The following SLCO5A1 variants were observed in gnomAD, a reference collection of about 807,000 sequenced individuals.
SLCO5A1 encodes the protein solute carrier organic anion transporter family member 5A1, also known as organic anion transporter polypeptide-related protein 4.
In SLCO5A1, 39 loss-of-function variants were observed where a neutral mutation model predicts 65.1. The observed-to-expected ratio is 0.60, with a 90% CI of 0.46 to 0.78. The LOEUF is 0.78. Ranked by LOEUF, SLCO5A1 falls within the 30% of genes least tolerant of loss-of-function variation. The pLI, the probability that SLCO5A1 is intolerant of heterozygous loss-of-function variation, is 0.00. For missense variants in SLCO5A1, 1,029 were observed against 1,069.4 expected (o/e 0.96, Z 0.53); for synonymous variants, 438 against 415.7 (o/e 1.05, Z -0.65).
intron 5 of SLCO5A1, among the ~76,000 whole-genome samples, chr8:69,733,083 C>T (rs1223395845): frequency 6.6e-6 from 1 of 151,950 alleles, no homozygotes; most frequent in East Asian, 1.9e-4. Context: ...ATGATGTTAC[C>T]CACATAAAAT....
Position 69,832,525 on chromosome 8 carries a change from A to G in SLCO5A1, c.149T>C (p.Leu50Pro), listed in dbSNP as rs1423874658. 1 of 1,607,896 alleles carries G rather than the reference A, an allele frequency of 6.2e-7. No individual in the cohort carries two copies. Among genetic ancestry groups the G allele is most frequent in the Non-Finnish European group, 8.5e-7 (1 of 1,177,536 alleles). Reference sequence around the variant, plus strand: ...GTTGGCGTCTCCACTAGTGGGACTGAGGCTTGGCCGGCAGGAGGCGCTGCT... The same window carrying G: ...GTTGGCGTCTCCACTAGTGGGACTGGGGCTTGGCCGGCAGGAGGCGCTGCT... ...VLSSASCRPS[L>P]SPTSGDANPA... Residue 50 changes from leucine to proline, a missense_variant, in exon 2 of 10, where the codon CTC (leucine) becomes CCC (proline). Around this residue, in one of 3 missense-constraint regions of SLCO5A1, gnomAD observed 647 missense variants for 647.5 expected, o/e 1.00. Coordinates refer to ENST00000260126, the MANE Select transcript of SLCO5A1 (RefSeq NM_030958.3). This position sits in a 1 kb window ranked among gnomAD's most constrained non-coding sequence, Gnocchi z 4.5.
At chr8:69,676,738 C>T in intron 8 of SLCO5A1, 65 bp from the exon 9 acceptor site, 1 of 1,465,228 alleles carries the variant, frequency 6.8e-7, no homozygotes, top group South Asian at 1.2e-5. Flanking sequence ...AATGTCAAAT[C>T]AAGTCGGCTT....
At chr8:69,829,290 C>G (rs1262397184) in intron 2 of SLCO5A1, among the ~76,000 whole-genome samples, 1 of 152,076 alleles carries the variant, frequency 6.6e-6, no homozygotes, top group Non-Finnish European at 1.5e-5. Flanking sequence ...AATGGAGGAA[C>G]AAGGTAAGTC....
chr8:69,760,443 C>T (rs2130862975), intron 3 of SLCO5A1, among the ~76,000 whole-genome samples: 1 of 152,214 alleles, frequency 6.6e-6, no homozygotes, highest in South Asian at 2.1e-4. Flanking sequence ...TAGTGTTAAA[C>T]ATTATTCCTA....
At chr8:69,801,586 T>C (rs2130903476) in intron 2 of SLCO5A1, among the ~76,000 whole-genome samples, 1 of 152,350 alleles carries the variant, frequency 6.6e-6, no homozygotes, top group South Asian at 2.1e-4. Context: ...TTTTATGATT[T>C]AGAGTTTTAC....
intron 4 of SLCO5A1, among the ~76,000 whole-genome samples, chr8:69,751,921 A>G (rs1817320758): frequency 6.6e-6 from 1 of 152,146 alleles, no homozygotes; most frequent in South Asian, 2.1e-4. Context: ...TTGGTATCCA[A>G]ATTTCAAATA....
At chr8:69,811,976 C>T (rs1185013571) in intron 2 of SLCO5A1, among the ~76,000 whole-genome samples, 1 of 152,212 alleles carries the variant, frequency 6.6e-6, no homozygotes, top group Non-Finnish European at 1.5e-5. Context: ...GCATCTGGAT[C>T]TAGGCCACAG....
intron 2 of SLCO5A1, among the ~76,000 whole-genome samples, chr8:69,784,950 G>T (rs1486763198): frequency 8.3e-6 from 1 of 121,002 alleles, no homozygotes; most frequent in East Asian, 2.2e-4. Flanking sequence ...AAGAAAGAAA[G>T]AAGAAAGGAA....
chr8:69,778,228 G>GGTGTGTGTGT (rs71556783), intron 2 of SLCO5A1, among the ~76,000 whole-genome samples: 4 of 143,038 alleles, frequency 2.8e-5, no homozygotes, highest in East Asian at 2.0e-4. Flanking sequence ...ATATGTATGG[G>GGTGTGTGTGT]GTGTGTGTGT....
chr8:69,747,241 C>T (rs145866094), intron 4 of SLCO5A1, among the ~76,000 whole-genome samples: 41 of 152,298 alleles, frequency 2.7e-4, no homozygotes, highest in African/African-American at 8.9e-4. Context: ...ATCACTCAGA[C>T]ATCTCTATAA....
At chr8:69,713,973 C>G (rs2933042) in intron 5 of SLCO5A1, among the ~76,000 whole-genome samples, 109,103 of 152,182 alleles carry the variant, frequency 0.72, 40,409 homozygotes, top group African/African-American at 0.91. Context: ...CTGTCAGAAG[C>G]AAACTACTAA....
chr8:69,729,945 A>G (rs1417573005), intron 5 of SLCO5A1, among the ~76,000 whole-genome samples: 1 of 152,250 alleles, frequency 6.6e-6, no homozygotes, highest in Non-Finnish European at 1.5e-5. Flanking sequence ...TTAAAATCAG[A>G]AAACCTAACA....
At chr8:69,719,736 G>A (rs965136759) in intron 5 of SLCO5A1, 3 of 152,178 alleles carry the variant, frequency 2.0e-5, no homozygotes, top group Non-Finnish European at 4.4e-5. Flanking sequence ...AGACAGAGAC[G>A]CATAACCTGC....
At chr8:69,781,108 A>G (rs1818774026) in intron 2 of SLCO5A1, among the ~76,000 whole-genome samples, 1 of 152,254 alleles carries the variant, frequency 6.6e-6, no homozygotes, top group Admixed American at 6.5e-5. Flanking sequence ...TGTTAAGAGC[A>G]GCTTCAACTT....
intron 2 of SLCO5A1, among the ~76,000 whole-genome samples, chr8:69,795,423 A>G (rs1468511201): frequency 6.6e-6 from 1 of 152,224 alleles, no homozygotes; most frequent in African/African-American, 2.4e-5. Flanking sequence ...GACCCCTTAC[A>G]AGTCCAACAA....
intron 2 of SLCO5A1, among the ~76,000 whole-genome samples, chr8:69,826,839 C>G (rs1820941845): frequency 6.6e-6 from 1 of 152,126 alleles, no homozygotes; most frequent in Admixed American, 6.5e-5. Flanking sequence ...TATAAAGACA[C>G]ATGCACATGT....
chr8:69,779,785 T>C (rs912618230), intron 2 of SLCO5A1, among the ~76,000 whole-genome samples: 42 of 152,122 alleles, frequency 2.8e-4, no homozygotes, highest in African/African-American at 7.9e-4. Context: ...CACAAAAAGG[T>C]ATCAAAATTT....
intron 2 of SLCO5A1, among the ~76,000 whole-genome samples, chr8:69,824,207 A>G (rs1429502795): frequency 2.6e-5 from 4 of 152,202 alleles, no homozygotes; most frequent in African/African-American, 4.8e-5. Context: ...TAACATCACA[A>G]TTAAAAGAAC....
intron 5 of SLCO5A1, among the ~76,000 whole-genome samples, chr8:69,715,616 GA>G (rs970294889): frequency 2.0e-5 from 3 of 151,950 alleles, no homozygotes; most frequent in African/African-American, 7.3e-5. Context: ...TCTGTATATG[GA>G]AAAAAAATTG....
Sources: allele counts gnomAD v4.1 joint callset (sites outside exome capture counted in the v4.1 genomes callset), GRCh38; gene constraint gnomAD v4.1.1; regional missense constraint gnomAD v4.1.1; non-coding constraint Gnocchi (gnomAD v3.1); transcripts MANE v1.5; gene names NCBI Gene and HGNC (gene_info 2026-07-23, HGNC 2026-07-21).